Variants in ELOVL2 observed in about 807,000 individuals in gnomAD.
The protein encoded by ELOVL2 is ELOVL fatty acid elongase 2.
A neutral mutation model predicts 37.7 loss-of-function variants in ELOVL2; 38 were observed. That is an observed-to-expected ratio of 1.01 (90% confidence interval 0.78 to 1.32). The LOEUF is 1.32. Among genes scored for constraint, ELOVL2 ranks in the 40% most tolerant of loss-of-function variants. The pLI is 0.00. For synonymous variants in ELOVL2, 115 were observed against 122.3 expected (o/e 0.94, Z 0.40); for missense variants, 352 against 363.6 (o/e 0.97, Z 0.26).
chr6:11,003,857 G>T (rs1036846214), intron 3 of ELOVL2, among the ~76,000 whole-genome samples: 1 of 152,008 alleles, frequency 6.6e-6, no homozygotes, highest in Non-Finnish European at 1.5e-5. Context: ...CGAGGCGGGT[G>T]GATCACCTGA....
At chr6:10,985,030 T>G (rs893722251) in intron 7 of ELOVL2, among the ~76,000 whole-genome samples, 2 of 152,162 alleles carry the variant, frequency 1.3e-5, no homozygotes, top group African/African-American at 4.8e-5. Flanking sequence ...CACCTGTTGT[T>G]TCCTGACTTT....
At chr6:11,027,745 T>A (rs1225562426) in intron 1 of ELOVL2, among the ~76,000 whole-genome samples, 1 of 152,106 alleles carries the variant, frequency 6.6e-6, no homozygotes, top group East Asian at 1.9e-4. Flanking sequence ...CGTTCTCCTC[T>A]CCCTCCCTCC....
At chr6:10,989,654 T>C (rs767298401) in intron 7 of ELOVL2, 49 bp downstream of exon 7, 2 of 1,486,152 alleles carry the variant, frequency 1.3e-6, no homozygotes, top group Admixed American at 2.1e-5. Context: ...AAAAAAAAAA[T>C]AGTGCCAATC....
chr6:11,011,919 T>C (rs1385977897), intron 1 of ELOVL2, among the ~76,000 whole-genome samples: 2 of 152,130 alleles, frequency 1.3e-5, no homozygotes, highest in African/African-American at 4.8e-5. Context: ...AGCGGGTTGG[T>C]CCCTGACTGT....
At chr6:11,023,984 G>A (rs1782805767) in intron 1 of ELOVL2, among the ~76,000 whole-genome samples, 1 of 152,086 alleles carries the variant, frequency 6.6e-6, no homozygotes, top group South Asian at 2.1e-4. Context: ...GCATCTTCTA[G>A]GATATCCTTG....
intron 7 of ELOVL2, among the ~76,000 whole-genome samples, chr6:10,987,676 A>G (rs1238670): frequency 0.021 from 3,260 of 152,284 alleles, 96 homozygotes; most frequent in African/African-American, 0.06. Flanking sequence ...ATGTATTTCA[A>G]TGACTATTAG....
At chr6:11,039,300 C>T (rs181620814) in intron 1 of ELOVL2, among the ~76,000 whole-genome samples, 2 of 152,334 alleles carry the variant, frequency 1.3e-5, no homozygotes, top group African/African-American at 2.4e-5. Flanking sequence ...CAGTGCCTTT[C>T]GTTTTCTCCC....
chr6:10,989,944 T>A lies in ELOVL2; in HGVS notation c.631-107A>T, dbSNP rs558762105. The A allele has an allele frequency of 6.7e-5, 89 of 1,330,232 alleles. 1 individual carries two copies. In the East Asian group the frequency reaches 2.0e-3, roughly 30 times the overall value. The allele number at this position is 1,330,232 out of a possible 1,614,324, so 82.4% of individuals were successfully genotyped here. A position where few individuals can be genotyped will look rare whatever the true frequency, so the allele number is the denominator to read the frequency against. On this transcript the variant is annotated intron_variant, in intron 6 of 7. Coordinates refer to ENST00000354666, the MANE Select transcript of ELOVL2 (RefSeq NM_017770.4). ...AAATCAACTCCTAGGACTCTTGGAA[T>A]TATGTAGGAACAAAACAAAGCTGCT... is the stretch of plus-strand genomic sequence containing the variant.
At chr6:10,994,744 ATG>A in intron 5 of ELOVL2, among the ~76,000 whole-genome samples, 1 of 152,318 alleles carries the variant, frequency 6.6e-6, no homozygotes, top group Admixed American at 6.5e-5. Flanking sequence ...CCGCTGGGGT[ATG>A]TGCCTCTGAC....
At chr6:11,037,058 AAGAGATAG>A (rs1183837786) in intron 1 of ELOVL2, among the ~76,000 whole-genome samples, 2 of 124,636 alleles carry the variant, frequency 1.6e-5, no homozygotes, top group African/African-American at 3.4e-5. Context: ...CAGAGAGGGA[AAGAGATAG>A]AGAGGCAGAG....
chr6:10,993,748 C>T (rs533427011), intron 5 of ELOVL2, among the ~76,000 whole-genome samples: 131 of 151,766 alleles, frequency 8.6e-4, no homozygotes, highest in East Asian at 1.6e-3. Flanking sequence ...AGTGCAGTGG[C>T]GTGATCTCAG....
intron 3 of ELOVL2, among the ~76,000 whole-genome samples, chr6:11,002,656 C>T (rs553812487): frequency 1.3e-5 from 2 of 152,300 alleles, no homozygotes; most frequent in South Asian, 4.1e-4. Context: ...ATACGTTCTT[C>T]CTAGAAAGAA....
intron 1 of ELOVL2, among the ~76,000 whole-genome samples, chr6:11,029,170 G>A (rs1487339032): frequency 7.0e-6 from 1 of 143,222 alleles, no homozygotes; most frequent in African/African-American, 2.6e-5. Context: ...GGAAGCTGTA[G>A]GGAGACAAGA....
chr6:11,008,869 G>A (rs1366292866), intron 2 of ELOVL2, among the ~76,000 whole-genome samples: 1 of 152,136 alleles, frequency 6.6e-6, no homozygotes, highest in Non-Finnish European at 1.5e-5. Flanking sequence ...TGGAGAAAAT[G>A]GAGAATGGCC....
At chr6:10,994,905 C>G (rs1782236134) in intron 5 of ELOVL2, 102 bp downstream of exon 5, 3 of 939,652 alleles carry the variant, frequency 3.2e-6, no homozygotes, top group Non-Finnish European at 3.1e-6. Flanking sequence ...TCTAGGCCTC[C>G]CTTCATGCTC....
At position 11,000,120 on chromosome 6, in the gene ELOVL2, T is replaced by C. The variant is rs745941635; in HGVS notation, c.300A>G (p.Gln100=). The change falls in exon 4 of 8, where the codon CAA becomes CAG. Residue 100 remains glutamine, a synonymous_variant. Transcript: ENST00000354666. The part of the protein sequence containing the change: ...TWEGGYNLQC[Q]DLTSAGEADI... ...CAGCTTCCCCTGCGCTGGTAAGATC[T>C]TGACACTGTAAGTTGTAGCCTCCTT... 5.6e-6 allele frequency: 9 copies of C among 1,614,074 alleles called. No homozygotes were observed. The highest frequency in any genetic ancestry group is 1.3e-5 in the African/African-American group (1 of 74,934).
chr6:11,042,221 G>A (rs1385165896), intron 1 of ELOVL2, among the ~76,000 whole-genome samples: 1 of 152,218 alleles, frequency 6.6e-6, no homozygotes, highest in East Asian at 1.9e-4. Context: ...GCTGAGGCAC[G>A]AGAATCACTT....
At chr6:11,017,031 C>A (rs1348635240) in intron 1 of ELOVL2, among the ~76,000 whole-genome samples, 3 of 152,102 alleles carry the variant, frequency 2.0e-5, no homozygotes, top group African/African-American at 7.2e-5. Context: ...GTAGAACAAT[C>A]TTTTATGTAT....
At chr6:10,992,378 A>G (rs1782177817) in intron 5 of ELOVL2, among the ~76,000 whole-genome samples, 1 of 152,138 alleles carries the variant, frequency 6.6e-6, no homozygotes, top group Non-Finnish European at 1.5e-5. Flanking sequence ...TGAGAACAAG[A>G]CAGTATCAAA....
Sources: allele counts gnomAD v4.1 joint callset (sites outside exome capture counted in the v4.1 genomes callset), GRCh38; gene constraint gnomAD v4.1.1; transcripts MANE v1.5; gene names NCBI Gene and HGNC (gene_info 2026-07-23, HGNC 2026-07-21).